Variants in HDAC8 observed in about 807,000 individuals in gnomAD.
HDAC8 encodes histone deacetylase 8.
In HDAC8, 1 loss-of-function variant was observed where a neutral mutation model predicts 32.2. That is an observed-to-expected ratio of 0.03 (90% CI 0.01 to 0.15). The LOEUF is 0.15. Among genes scored for constraint, HDAC8 ranks in the 10% least tolerant of loss-of-function variants. HDAC8 has a pLI of 1.00. For missense variants in HDAC8, 117 were observed against 300.0 expected (o/e 0.39, Z 4.51); for synonymous variants, 108 against 113.9 (o/e 0.95, Z 0.33).
At chrX:72,489,547 A>G (rs1379017969) in intron 6 of HDAC8, among the ~76,000 whole-genome samples, 1 of 111,151 alleles carries the variant, frequency 9.0e-6, no homozygotes, top group Admixed American at 9.6e-5. Context: ...CTGGCTAGCC[A>G]TATGTAGAAA....
intron 9 of HDAC8, among the ~76,000 whole-genome samples, chrX:72,403,894 A>G (rs2045971321): frequency 9.0e-6 from 1 of 111,483 alleles, no homozygotes; most frequent in African/African-American, 3.3e-5. Flanking sequence ...TACCTGGGTT[A>G]TGGGATCAAT....
At chrX:72,376,813 C>T (rs2045093588) in intron 9 of HDAC8, among the ~76,000 whole-genome samples, 1 of 111,673 alleles carries the variant, frequency 9.0e-6, no homozygotes, top group Admixed American at 9.5e-5. Flanking sequence ...AATTTGTAAT[C>T]TTTCTTATTT....
chrX:72,344,613 A>G (rs1451008716), intron 10 of HDAC8, among the ~76,000 whole-genome samples: 1 of 112,323 alleles, frequency 8.9e-6, no homozygotes, highest in Non-Finnish European at 1.9e-5. Flanking sequence ...AATTCAGTAC[A>G]TCAAAAGAGA....
At chrX:72,445,736 A>T (rs1430610617) in intron 9 of HDAC8, among the ~76,000 whole-genome samples, 6 of 112,101 alleles carry the variant, frequency 5.4e-5, no homozygotes, top group Non-Finnish European at 1.1e-4. Flanking sequence ...CTACCATCAG[A>T]GTGAACAGTC....
intron 4 of HDAC8, among the ~76,000 whole-genome samples, chrX:72,505,843 T>C (rs2049373770): frequency 1.8e-5 from 2 of 111,929 alleles, no homozygotes; most frequent in South Asian, 3.8e-4. Flanking sequence ...TTTTGGCACC[T>C]ACTTGTAAAT....
At chrX:72,341,142 G>C (rs1270649962) in intron 10 of HDAC8, among the ~76,000 whole-genome samples, 1 of 111,931 alleles carries the variant, frequency 8.9e-6, no homozygotes, top group African/African-American at 3.2e-5. Flanking sequence ...TATTGCCATA[G>C]TGAACATGAG....
intron 9 of HDAC8, among the ~76,000 whole-genome samples, chrX:72,410,687 C>G (rs2046166848): frequency 8.9e-6 from 1 of 111,968 alleles, no homozygotes; most frequent in South Asian, 3.7e-4. Flanking sequence ...TTCCTTGCCA[C>G]TACCCTAGTC....
intron 4 of HDAC8, among the ~76,000 whole-genome samples, chrX:72,516,261 A>G (rs73498390): frequency 0.049 from 5,528 of 111,980 alleles, 336 homozygotes; most frequent in African/African-American, 0.17. Flanking sequence ...TTAATGGTAT[A>G]AAGCTAATTT....
chrX:72,482,612 G>GA (rs1460248591), intron 7 of HDAC8, among the ~76,000 whole-genome samples: 26 of 109,400 alleles, frequency 2.4e-4, no homozygotes, highest in Admixed American at 3.9e-4. Flanking sequence ...TGGGGGGGGG[G>GA]ATTTTCTGCA....
intron 9 of HDAC8, among the ~76,000 whole-genome samples, chrX:72,404,795 G>A (rs1417192152): frequency 2.7e-5 from 3 of 109,449 alleles, no homozygotes; most frequent in African/African-American, 6.6e-5. Context: ...TTAAGATTTC[G>A]TCTTTGTCTT....
intron 5 of HDAC8, among the ~76,000 whole-genome samples, chrX:72,493,800 G>C (rs1365232537): frequency 9.0e-6 from 1 of 111,148 alleles, no homozygotes; most frequent in Non-Finnish European, 1.9e-5. Flanking sequence ...GGGTTCAAGC[G>C]ATCCTCCTGC....
At chrX:72,393,210 C>G (rs1412160852) in intron 9 of HDAC8, among the ~76,000 whole-genome samples, 1 of 111,776 alleles carries the variant, frequency 8.9e-6, no homozygotes, top group Non-Finnish European at 1.9e-5. Context: ...GTGTAATCCT[C>G]TTCTGCCTCT....
intron 4 of HDAC8, among the ~76,000 whole-genome samples, chrX:72,554,012 GT>G (rs1556083946): frequency 9.0e-6 from 1 of 111,434 alleles, no homozygotes; most frequent in African/African-American, 3.3e-5. Flanking sequence ...GAGTATTAGT[GT>G]TTAAAAAAAT....
chrX:72,493,845 C>G (rs2048943879), intron 5 of HDAC8, among the ~76,000 whole-genome samples: 1 of 111,107 alleles, frequency 9.0e-6, no homozygotes, highest in Non-Finnish European at 1.9e-5. Flanking sequence ...TATAAGCACA[C>G]AACACCAAAC....
chrX:72,521,679 C>T (rs1230641271), intron 4 of HDAC8, among the ~76,000 whole-genome samples: 1 of 111,401 alleles, frequency 9.0e-6, no homozygotes, highest in African/African-American at 3.3e-5. Flanking sequence ...TAAAATTACC[C>T]ATATTTACTA....
chrX:72,487,159 C>T (rs2048702099), intron 7 of HDAC8, among the ~76,000 whole-genome samples: 1 of 111,569 alleles, frequency 9.0e-6, no homozygotes, highest in Admixed American at 9.5e-5. Flanking sequence ...TGGCATCATG[C>T]TTTTTGTAAA....
rs181676702 is a variant in HDAC8, at chrX:72,557,775, A to G, written c.437+10114T>C. On this transcript the variant is annotated intron_variant, in intron 4 of 10. Coordinates refer to ENST00000373573, the MANE Select transcript of HDAC8 (RefSeq NM_018486.3). ...AACTGAAACAAACAAACAAAAAAAT[A>G]CAAAAGATAAATGAAGCAAAACGCT... Among the ~76,000 whole-genome samples the G allele has an allele frequency of 2.9e-3, 319 of 111,810 alleles. 2 individuals carry two copies. Among genetic ancestry groups the G allele is most frequent in the African/African-American group, 9.9e-3 (304 of 30,843 alleles).
At chrX:72,384,227 T>C (rs182157932) in intron 9 of HDAC8, among the ~76,000 whole-genome samples, 1 of 112,147 alleles carries the variant, frequency 8.9e-6, no homozygotes, top group Non-Finnish European at 1.9e-5. Flanking sequence ...ACTCCCTTAC[T>C]GTAAAAGTTT....
At chrX:72,403,823 T>C (rs1395838731) in intron 9 of HDAC8, among the ~76,000 whole-genome samples, 1 of 110,869 alleles carries the variant, frequency 9.0e-6, no homozygotes, top group Non-Finnish European at 1.9e-5. Flanking sequence ...CCAGATTCTG[T>C]CTGGCTGATG....
Sources: gnomAD v4.1 joint callset for allele counts (sites outside exome capture counted in the v4.1 genomes callset) on GRCh38, gnomAD v4.1.1 for gene constraint, MANE v1.5 for transcripts, NCBI Gene and HGNC (gene_info 2026-07-23, HGNC 2026-07-21) for gene names.